CSGALNACT1: variants seen among roughly 807,000 people sequenced by gnomAD.
CSGALNACT1 encodes the protein chondroitin sulfate N-acetylgalactosaminyltransferase 1.
In CSGALNACT1, 52 loss-of-function variants were observed where a neutral mutation model predicts 51.0. The observed-to-expected ratio is 1.02, with a 90% CI of 0.82 to 1.29. The LOEUF (loss-of-function observed/expected upper bound fraction) is 1.29, where lower values mean the gene tolerates loss of function less well. Among genes scored for constraint, CSGALNACT1 ranks in the 50% most tolerant of loss-of-function variants. The pLI is 0.00. For missense variants in CSGALNACT1, 935 were observed against 679.2 expected, an observed-to-expected ratio of 1.38 and a Z score of -4.19; for synonymous variants, 341 against 254.4, an observed-to-expected ratio of 1.34 and a Z score of -3.24.
At chr8:19,557,457 C>A (rs573768815) in intron 3 of CSGALNACT1, among the ~76,000 whole-genome samples, 1 of 152,178 alleles carries the variant, frequency 6.6e-6, no homozygotes, top group African/African-American at 2.4e-5. Context: ...GGCCTCCAGG[C>A]CCCTAAAAGA....
chr8:19,673,006 C>T (rs188503936), intron 1 of CSGALNACT1, among the ~76,000 whole-genome samples: 1 of 152,258 alleles, frequency 6.6e-6, no homozygotes, highest in East Asian at 1.9e-4. Context: ...TTTCCAAGGC[C>T]CTCTTTTCAG....
intron 1 of CSGALNACT1, among the ~76,000 whole-genome samples, chr8:19,707,736 C>T (rs766523714): frequency 3.3e-5 from 5 of 152,120 alleles, no homozygotes; most frequent in Middle Eastern, 3.2e-3. Context: ...TGTGGTGGCT[C>T]ACACCTGTAA....
At chr8:19,738,684 A>C (rs1256362894) in intron 1 of CSGALNACT1, among the ~76,000 whole-genome samples, 2 of 152,234 alleles carry the variant, frequency 1.3e-5, no homozygotes, top group African/African-American at 4.8e-5. Flanking sequence ...ACAAATACAC[A>C]AAATAAAAAC....
At chr8:19,427,941 G>GT (rs1334967490) in intron 6 of CSGALNACT1, among the ~76,000 whole-genome samples, 2 of 152,142 alleles carry the variant, frequency 1.3e-5, no homozygotes, top group African/African-American at 4.8e-5. Context: ...TGTGCCCCAG[G>GT]TGAGGGAAGC....
chr8:19,503,523 T>C (rs1015252961), intron 4 of CSGALNACT1, among the ~76,000 whole-genome samples: 3 of 152,158 alleles, frequency 2.0e-5, no homozygotes, highest in African/African-American at 7.2e-5. Flanking sequence ...CTGCTCTGTA[T>C]GTGGGCAGCT....
chr8:19,746,671 T>C (rs2064684996), intron 1 of CSGALNACT1, among the ~76,000 whole-genome samples: 1 of 152,210 alleles, frequency 6.6e-6, no homozygotes, highest in African/African-American at 2.4e-5. Flanking sequence ...TAATCATTGG[T>C]TCTCTCATTA....
chr8:19,493,129 G>C (rs749610219), intron 4 of CSGALNACT1, among the ~76,000 whole-genome samples: 1 of 150,874 alleles, frequency 6.6e-6, no homozygotes, highest in Admixed American at 6.6e-5. Flanking sequence ...AAATGTCTAT[G>C]GAAGAGCCCA....
intron 1 of CSGALNACT1, among the ~76,000 whole-genome samples, chr8:19,707,332 G>A (rs1004144454): frequency 1.3e-5 from 2 of 152,074 alleles, no homozygotes; most frequent in African/African-American, 4.8e-5. Context: ...GTGAACTAAG[G>A]GACCCGATAA....
chr8:19,720,683 C>G (rs2063071798), intron 1 of CSGALNACT1, among the ~76,000 whole-genome samples: 1 of 152,200 alleles, frequency 6.6e-6, no homozygotes, highest in African/African-American at 2.4e-5. Context: ...CCTCCCTCCC[C>G]TCTACCTCCC....
At chr8:19,553,297 C>A (rs1022350958) in intron 3 of CSGALNACT1, among the ~76,000 whole-genome samples, 6 of 152,052 alleles carry the variant, frequency 3.9e-5, no homozygotes, top group East Asian at 1.9e-4. Context: ...AAAAAACCTT[C>A]TGTTTATTAA....
intron 1 of CSGALNACT1, among the ~76,000 whole-genome samples, chr8:19,650,281 T>G (rs547983089): frequency 6.6e-6 from 1 of 152,332 alleles, no homozygotes; most frequent in South Asian, 2.1e-4. Context: ...TCAGAAGTAT[T>G]TGAAAGCTAG....
intron 4 of CSGALNACT1, among the ~76,000 whole-genome samples, chr8:19,486,820 C>T (rs971036652): frequency 6.6e-6 from 1 of 152,176 alleles, no homozygotes; most frequent in African/African-American, 2.4e-5. Context: ...TCAACTAGAA[C>T]ACAAGCCCTG....
chr8:19,475,035 G>A (rs1169712556), intron 4 of CSGALNACT1, among the ~76,000 whole-genome samples: 2 of 152,248 alleles, frequency 1.3e-5, no homozygotes, highest in African/African-American at 4.8e-5. Context: ...AGGGCCAGGG[G>A]TGCACTGCGA....
chr8:19,421,641 GT>G (rs1301847420), intron 6 of CSGALNACT1, among the ~76,000 whole-genome samples: 1 of 152,170 alleles, frequency 6.6e-6, no homozygotes, highest in Non-Finnish European at 1.5e-5. Context: ...AGTTTGTAAA[GT>G]TTGCATTCCA....
In CSGALNACT1 at chr8:19,718,480, T is replaced by C. The variant is rs558740904; in HGVS notation, c.-297+39370A>G. Among the ~76,000 whole-genome samples the C allele has an allele frequency of 1.4e-4, 21 of 152,346 alleles. No individual in the cohort carries two copies. In the South Asian group the frequency reaches 1.7e-3, roughly 12 times the overall value. On this transcript the variant is annotated intron_variant, in intron 1 of 1. Coordinates refer to the CSGALNACT1 transcript ENST00000517494. The stretch of plus-strand genomic sequence containing the variant: ...TTGAATTTGCACAGTTCTTATGCTA[T>C]AGCAACAAAACGCACAGTTGCAGCA...
intron 4 of CSGALNACT1, among the ~76,000 whole-genome samples, chr8:19,485,032 G>C (rs534080706): frequency 2.3e-4 from 35 of 152,256 alleles, no homozygotes; most frequent in South Asian, 2.3e-3. Context: ...CAGTGGGTGA[G>C]AAAATAAACT....
At chr8:19,601,049 A>G (rs2050313229) in intron 2 of CSGALNACT1, among the ~76,000 whole-genome samples, 1 of 152,116 alleles carries the variant, frequency 6.6e-6, no homozygotes, top group Non-Finnish European at 1.5e-5. Context: ...GCATGTCAAC[A>G]TTAATGATAT....
chr8:19,550,570 T>C (rs1279724421), intron 3 of CSGALNACT1, among the ~76,000 whole-genome samples: 1 of 152,212 alleles, frequency 6.6e-6, no homozygotes, highest in Admixed American at 6.5e-5. Context: ...ACGTCTTTCC[T>C]GCTTATTTAT....
At chr8:19,625,231 T>G (rs1178757893) in intron 1 of CSGALNACT1, among the ~76,000 whole-genome samples, 2 of 152,122 alleles carry the variant, frequency 1.3e-5, no homozygotes, top group Non-Finnish European at 2.9e-5. Flanking sequence ...TGTTTCTTCC[T>G]CCAATAGGCA....
Sources: allele counts gnomAD v4.1 joint callset (sites outside exome capture counted in the v4.1 genomes callset), GRCh38; gene constraint gnomAD v4.1.1; transcripts MANE v1.5; gene names NCBI Gene and HGNC (gene_info 2026-07-23, HGNC 2026-07-21).